HERC1: variants seen among roughly 807,000 people sequenced by gnomAD.
HERC1 encodes the protein HECT and RLD domain containing E3 ubiquitin protein ligase family member 1.
HERC1 carries 160 observed loss-of-function variants against 554.3 expected under a neutral mutation model. The observed-to-expected ratio is 0.29, with a 90% CI of 0.25 to 0.33. HERC1 has a LOEUF of 0.33. Among genes scored for constraint, HERC1 ranks in the 10% least tolerant of loss-of-function variants. The pLI, the probability that HERC1 is intolerant of heterozygous loss-of-function variation, is 1.00. For synonymous variants in HERC1, 2,175 were observed against 2,131.7 expected, an observed-to-expected ratio of 1.02 and a Z score of -0.56; for missense variants, 4,919 against 5,918.5, an observed-to-expected ratio of 0.83 and a Z score of 5.54.
At chr15:63,706,971 C>T (rs1344350515) in intron 24 of HERC1, 140 bp from the exon 25 acceptor site, 2 of 563,444 alleles carry the variant, frequency 3.5e-6, no homozygotes, top group Non-Finnish European at 6.1e-6. Context: ...AAACTAATAA[C>T]AAAATGTCCC....
intron 68 of HERC1, 26 bp from the exon 69 acceptor site, chr15:63,630,661 T>G: frequency 6.2e-7 from 1 of 1,602,204 alleles, no homozygotes; most frequent in Non-Finnish European, 8.5e-7. Flanking sequence ...CAAAAACATG[T>G]GGAAATGTTA....
chr15:63,730,686 T>A (rs547018057), intron 14 of HERC1, among the ~76,000 whole-genome samples: 1 of 152,272 alleles, frequency 6.6e-6, no homozygotes, highest in Admixed American at 6.5e-5. Flanking sequence ...AATGTCCTGG[T>A]TTTTTAAAAA....
At chr15:63,814,928 T>C (rs2077447455) in intron 1 of HERC1, among the ~76,000 whole-genome samples, 1 of 152,234 alleles carries the variant, frequency 6.6e-6, no homozygotes, top group African/African-American at 2.4e-5. Context: ...GCTATGATTA[T>C]TACAAGTTCA....
chr15:63,824,829 A>C (rs2077830199), intron 1 of HERC1, among the ~76,000 whole-genome samples: 1 of 151,734 alleles, frequency 6.6e-6, no homozygotes, highest in African/African-American at 2.4e-5. Flanking sequence ...CTTAAGTGAC[A>C]CAAGTCAGAC....
intron 24 of HERC1, among the ~76,000 whole-genome samples, chr15:63,711,050 G>C (rs988164377): frequency 6.6e-6 from 1 of 152,164 alleles, no homozygotes; most frequent in Non-Finnish European, 1.5e-5. Flanking sequence ...TGCAGGGTTG[G>C]GAGCTGGGTG....
At chr15:63,822,338 C>A (rs1211988758) in intron 1 of HERC1, among the ~76,000 whole-genome samples, 1 of 152,160 alleles carries the variant, frequency 6.6e-6, no homozygotes, top group Non-Finnish European at 1.5e-5. Context: ...GCAATCCCAG[C>A]ACTTTGGGAA....
In HERC1 at chr15:63,612,148, A is replaced by G. The variant is rs2152707725; in HGVS notation, c.14400+103T>C. On this transcript the variant is annotated intron_variant, in intron 77 of 77. Transcript: ENST00000443617. The surrounding 1 kb of genome is among the most constrained non-coding windows in gnomAD (Gnocchi z 5.0). ...GGTTGCAGTAAGCTAAAATCATGCC[A>G]CTGCACTCCAGCCTGGGCCACAGAG... The G allele has an allele frequency of 9.6e-7, 1 of 1,041,132 alleles. No homozygotes were observed. Among genetic ancestry groups the G allele is most frequent in the Non-Finnish European group, 1.4e-6 (1 of 724,538 alleles). The allele number at this position is 1,041,132 out of a possible 1,614,324, so 64.5% of individuals were successfully genotyped here.
chr15:63,664,638 T>C, intron 42 of HERC1, 44 bp from the exon 43 acceptor site: 1 of 1,581,508 alleles, frequency 6.3e-7, no homozygotes, highest in Non-Finnish European at 8.6e-7. Flanking sequence ...TTTGAAACCA[T>C]TATGGAAAGA....
chr15:63,739,962 A>G (rs2074727915), intron 12 of HERC1, among the ~76,000 whole-genome samples: 1 of 151,308 alleles, frequency 6.6e-6, no homozygotes, highest in Non-Finnish European at 1.5e-5. Context: ...CCAGGCTAGC[A>G]TGCAGTGGTA....
At chr15:63,802,315 A>C (rs1423500772) in intron 1 of HERC1, among the ~76,000 whole-genome samples, 5 of 152,248 alleles carry the variant, frequency 3.3e-5, no homozygotes, top group Admixed American at 1.3e-4. Context: ...ATTGCTATTT[A>C]AGAAAGTACA....
chr15:63,628,723 G>C lies in HERC1; in HGVS notation c.13059C>G (p.Cys4353Trp). 1 of 1,613,928 alleles carries C rather than the reference G, an allele frequency of 6.2e-7. No individual in the cohort carries two copies. The highest frequency in any genetic ancestry group is 8.5e-7 in the Non-Finnish European group (1 of 1,179,858). The change falls in exon 70 of 78, where the codon TGC becomes TGG. Residue 4353 changes from cysteine (C) to tryptophan (W), a missense_variant. Cys to Trp is a radical substitution (Grantham distance 215). Coordinates refer to ENST00000443617, the MANE Select transcript of HERC1 (RefSeq NM_003922.4). ...GTGGTGCTGTCCATGCAGCACTGTG[G>C]CAGCGGCCAGCCGAGATCTGCCGAA... ...KNVRQISAGR[C>W]HSAAWTAPPV...
intron 51 of HERC1, 67 bp downstream of exon 51, chr15:63,654,052 T>TGAG (rs1176051750): frequency 1.6e-6 from 2 of 1,286,228 alleles, no homozygotes; most frequent in Non-Finnish European, 2.2e-6. Context: ...TTGAGCTCCT[T>TGAG]GAGAAGAGAA....
intron 40 of HERC1, 98 bp downstream of exon 40, chr15:63,669,440 T>C: frequency 2.6e-6 from 3 of 1,162,792 alleles, no homozygotes; most frequent in Non-Finnish European, 3.8e-6. Context: ...AATCACTGTT[T>C]TACCTTCTGT....
rs2070329813 is a variant in HERC1 at position 63,660,999 on chromosome 15, A to G, written c.9197T>C (p.Ile3066Thr). ...ERYKGQAPDLIGKQDSVYEED... is the reference protein window; with the variant it reads ...ERYKGQAPDLTGKQDSVYEED... ...TTCATACACACTGTCTTGCTTGCCAATTAGATCTGGAGCTTGTCCCTTGTA... is the reference window on the plus strand; with the variant it reads ...TTCATACACACTGTCTTGCTTGCCAGTTAGATCTGGAGCTTGTCCCTTGTA... The change falls in exon 46 of 78, where the codon ATT becomes ACT. Residue 3066 changes from isoleucine to threonine, a missense_variant. Physicochemically the swap from Ile to Thr is moderately conservative, Grantham distance 89. Coordinates refer to ENST00000443617, the MANE Select transcript of HERC1 (RefSeq NM_003922.4). 8 of 1,612,490 alleles carry G rather than the reference A, an allele frequency of 5.0e-6. No individual in the cohort carries two copies. Among genetic ancestry groups the G allele is most frequent in the South Asian group, 1.1e-5 (1 of 91,046 alleles).
intron 60 of HERC1, among the ~76,000 whole-genome samples, chr15:63,641,269 C>G (rs1009094452): frequency 6.6e-6 from 1 of 152,162 alleles, no homozygotes; most frequent in African/African-American, 2.4e-5. Flanking sequence ...CTTTATTTTA[C>G]TCTGGTGAAA....
At chr15:63,651,180 G>T in intron 53 of HERC1, 73 bp downstream of exon 53, 2 of 1,384,006 alleles carry the variant, frequency 1.4e-6, no homozygotes, top group Non-Finnish European at 2.0e-6. Flanking sequence ...ACCACTGTTT[G>T]GACTCAGAAG....
intron 2 of HERC1, among the ~76,000 whole-genome samples, chr15:63,773,943 ATTAT>A (rs1364594967): frequency 2.0e-5 from 3 of 152,154 alleles, no homozygotes; most frequent in Non-Finnish European, 4.4e-5. Context: ...ACGCTATTTT[ATTAT>A]TTATTCTTTA....
chr15:63,671,431 T>C (rs537388577), intron 39 of HERC1, among the ~76,000 whole-genome samples: 3 of 152,144 alleles, frequency 2.0e-5, no homozygotes, highest in South Asian at 4.2e-4. Flanking sequence ...TCTATCTTCC[T>C]TATTCTTTGA....
At chr15:63,684,773 C>A (rs1339324120) in intron 34 of HERC1, among the ~76,000 whole-genome samples, 1 of 152,086 alleles carries the variant, frequency 6.6e-6, no homozygotes, top group Non-Finnish European at 1.5e-5. Flanking sequence ...TTTGGGAAGC[C>A]AAGGTGGGTG....
Sources: gnomAD v4.1 joint callset for allele counts (sites outside exome capture counted in the v4.1 genomes callset) on GRCh38, gnomAD v4.1.1 for gene constraint, Gnocchi (gnomAD v3.1) non-coding constraint, MANE v1.5 for transcripts, NCBI Gene and HGNC (gene_info 2026-07-23, HGNC 2026-07-21) for gene names.